CRYL1: variants seen among roughly 807,000 people sequenced by gnomAD.
CRYL1 encodes the protein crystallin lambda 1, also known as lambda-crystallin homolog.
CRYL1 carries 29 observed loss-of-function variants against 36.6 expected under a neutral mutation model. That is an observed-to-expected ratio of 0.79 (90% CI 0.59 to 1.08). The LOEUF (loss-of-function observed/expected upper bound fraction) is 1.08. Among genes scored for constraint, CRYL1 ranks in the 50% least tolerant of loss-of-function variants. The probability of loss-of-function intolerance (pLI) is 0.00; values close to 1 mark genes in which losing one functional copy is unlikely to be tolerated. For missense variants in CRYL1, 411 were observed against 407.9 expected (o/e 1.01, Z -0.06); for synonymous variants, 152 against 151.5 (o/e 1.00, Z -0.02).
At chr13:20,477,888 A>AAT (rs1555230691) in intron 3 of CRYL1, among the ~76,000 whole-genome samples, 2,340 of 144,682 alleles carry the variant, frequency 0.016, 67 homozygotes, top group African/African-American at 0.056. Flanking sequence ...ATATAATACT[A>AAT]TACTATAAAT....
intron 5 of CRYL1, among the ~76,000 whole-genome samples, chr13:20,429,146 T>C (rs775696316): frequency 2.0e-5 from 3 of 152,158 alleles, no homozygotes; most frequent in Non-Finnish European, 2.9e-5. Context: ...CAGGCCTCAC[T>C]GAGGAGAAGC....
rs370965525 is a variant in CRYL1 at position 20,432,274 on chromosome 13, G to A, written c.461C>T (p.Pro154Leu). The part of the protein sequence containing the change: ...AHPVNPPYYI[P>L]LVELVPHPET... ...CGGGTGGGGGACCAGCTCAACCAGC[G>A]GGATGTAGTATGGCGGATTCACCTT... The change falls in exon 5 of 8, where the codon CCG (proline) becomes CTG (leucine). Residue 154 changes from proline to leucine, a missense_variant. Physicochemically the swap from Pro to Leu is moderately conservative, Grantham distance 98. Transcript: ENST00000298248. 15 of 1,612,758 alleles carry A rather than the reference G, an allele frequency of 9.3e-6. No individual in the cohort carries two copies. Among genetic ancestry groups the A allele is most frequent in the African/African-American group, 5.4e-5 (4 of 74,758 alleles).
In CRYL1 at chr13:20,435,316, C is replaced by T. The variant is rs2032184629; in HGVS notation, c.439-3020G>A. Among the ~76,000 whole-genome samples the T allele has an allele frequency of 6.6e-6, 1 of 152,204 alleles. No homozygotes were observed. The highest frequency in any genetic ancestry group is 2.4e-5 in the African/African-American group (1 of 41,456). On this transcript the variant is annotated intron_variant, in intron 4 of 7. Coordinates refer to ENST00000298248, the MANE Select transcript of CRYL1 (RefSeq NM_015974.3). This position sits in a 1 kb window ranked among gnomAD's most constrained non-coding sequence, Gnocchi z 4.0. ...AAATCTTGAAGGGCTGCCCAGCGCC[C>T]ACTGTACAAGGCACACGGCTGACTA...
intron 4 of CRYL1, among the ~76,000 whole-genome samples, chr13:20,437,304 G>A (rs935105950): frequency 3.0e-4 from 44 of 147,960 alleles, no homozygotes; most frequent in African/African-American, 1.0e-3. Context: ...CAATAAGGAA[G>A]ATTAATTTTT....
At chr13:20,429,819 C>G (rs1593438145) in intron 5 of CRYL1, among the ~76,000 whole-genome samples, 1 of 152,194 alleles carries the variant, frequency 6.6e-6, no homozygotes, top group East Asian at 1.9e-4. Flanking sequence ...CCTGGCCCCT[C>G]TCTTACCCTG....
intron 2 of CRYL1, among the ~76,000 whole-genome samples, chr13:20,500,782 T>C (rs1341912740): frequency 1.3e-5 from 2 of 152,146 alleles, no homozygotes; most frequent in African/African-American, 4.8e-5. Flanking sequence ...GGTTGAGGAA[T>C]CTATAAACAA....
chr13:20,451,146 A>C (rs938988943), intron 3 of CRYL1, among the ~76,000 whole-genome samples: 3 of 152,114 alleles, frequency 2.0e-5, no homozygotes, highest in Non-Finnish European at 4.4e-5. Context: ...CCAACATGGC[A>C]CATGTATACA....
intron 3 of CRYL1, among the ~76,000 whole-genome samples, chr13:20,445,272 C>T (rs1458968444): frequency 6.6e-6 from 1 of 152,154 alleles, no homozygotes; most frequent in Non-Finnish European, 1.5e-5. Context: ...TTCAAAAGCA[C>T]AGACAAAATG....
Position 20,426,352 on chromosome 13 carries a change from C to T in CRYL1, c.633+5750G>A, listed in dbSNP as rs955450192. Among the ~76,000 whole-genome samples the T allele has an allele frequency of 5.7e-4, 87 of 151,954 alleles. 1 individual carries two copies. Among genetic ancestry groups the T allele is most frequent in the African/African-American group, 2.0e-3 (84 of 41,442 alleles). On this transcript the variant is annotated intron_variant, in intron 5 of 7. Transcript: ENST00000298248. ...TTGGACTCCTGGGCTCAAGCAATCC[C>T]CCTGCCTCAGCTTCCTCGGTAGCTG...
chr13:20,414,654 G>A (rs1022809547), intron 5 of CRYL1, among the ~76,000 whole-genome samples: 4 of 152,172 alleles, frequency 2.6e-5, no homozygotes, highest in Non-Finnish European at 5.9e-5. Context: ...CTAAGGTGGG[G>A]CCCTGGAATC....
chr13:20,416,230 G>A (rs1337986096), intron 5 of CRYL1, among the ~76,000 whole-genome samples: 1 of 152,216 alleles, frequency 6.6e-6, no homozygotes, highest in Admixed American at 6.5e-5. Context: ...TTCACTGACT[G>A]CTAAGGAGAG....
chr13:20,462,394 G>A (rs1396546081), intron 3 of CRYL1, among the ~76,000 whole-genome samples: 3 of 150,796 alleles, frequency 2.0e-5, no homozygotes, highest in Admixed American at 6.6e-5. Context: ...AGGTTTGAGC[G>A]TTACCCTAAA....
intron 3 of CRYL1, among the ~76,000 whole-genome samples, chr13:20,448,016 T>C (rs542732939): frequency 1.3e-5 from 2 of 152,274 alleles, no homozygotes; most frequent in African/African-American, 4.8e-5. Flanking sequence ...ACTCTGATAT[T>C]GGAAAAATCT....
In CRYL1 at chr13:20,406,578, T is replaced by C. The variant is rs566209198; in HGVS notation, c.740-1837A>G. ...GCTTTCCAGCACTGGATACGTACTG[T>C]AGATGGCTTAGCATTTCTGGAGAAC... On this transcript the variant is annotated intron_variant, in intron 6 of 7. Transcript: ENST00000298248. 3.3e-5 allele frequency among the ~76,000 whole-genome samples: 5 copies of C among 152,316 alleles called. No individual in the cohort carries two copies. The South Asian group carries it at 1.0e-3, about 32-fold the overall frequency.
intron 3 of CRYL1, among the ~76,000 whole-genome samples, chr13:20,489,069 A>G (rs1274755805): frequency 6.6e-6 from 1 of 152,162 alleles, no homozygotes; most frequent in Non-Finnish European, 1.5e-5. Context: ...AGTCCAGAAA[A>G]CCTATTTTTG....
rs1297967526 is a variant in CRYL1, at chr13:20,525,492, A to G, written c.41+262T>C. On this transcript the variant is annotated intron_variant, in intron 1 of 7. Transcript: ENST00000298248. This position sits in a 1 kb window ranked among gnomAD's most constrained non-coding sequence, Gnocchi z 4.3. ...CGCAGGCCCCGCGGCCTGGGCGGTC[A>G]ACCTCGGAACCTCCTGCAACGCTGG... Among the ~76,000 whole-genome samples, 1 of 152,138 alleles carries G rather than the reference A, an allele frequency of 6.6e-6. No individual in the cohort carries two copies. The highest frequency in any genetic ancestry group is 1.5e-5 in the Non-Finnish European group (1 of 68,012).
At chr13:20,460,645 C>T (rs1018061777) in intron 3 of CRYL1, among the ~76,000 whole-genome samples, 6 of 149,648 alleles carry the variant, frequency 4.0e-5, no homozygotes, top group Non-Finnish European at 5.9e-5. Flanking sequence ...CCTGCCTCAG[C>T]CTCCCAAGTA....
intron 5 of CRYL1, among the ~76,000 whole-genome samples, chr13:20,421,247 C>T (rs188388141): frequency 2.6e-5 from 4 of 152,148 alleles, no homozygotes; most frequent in East Asian, 3.9e-4. Flanking sequence ...GGGAAAGCCT[C>T]GACTTTTACA....
chr13:20,522,912 T>TTTTG, intron 1 of CRYL1, among the ~76,000 whole-genome samples: 1 of 19,890 alleles, frequency 5.0e-5, no homozygotes, highest in Admixed American at 6.4e-4. Context: ...CCATTTCTAC[T>TTTTG]TTTTTTTTTT....
Sources: gnomAD v4.1 joint callset for allele counts (sites outside exome capture counted in the v4.1 genomes callset) on GRCh38, gnomAD v4.1.1 for gene constraint, Gnocchi (gnomAD v3.1) non-coding constraint, MANE v1.5 for transcripts, NCBI Gene and HGNC (gene_info 2026-07-23, HGNC 2026-07-21) for gene names.